Variants in NPNT observed in about 807,000 individuals in gnomAD.
The protein encoded by NPNT is nephronectin.
In NPNT, 45 loss-of-function variants were observed where a neutral mutation model predicts 68.6. The observed-to-expected ratio is 0.66, with a 90% CI of 0.52 to 0.84. NPNT has a LOEUF of 0.84. NPNT is among the 40% of genes least tolerant of loss of function. The probability of loss-of-function intolerance (pLI) is 0.00; values close to 1 mark genes in which losing one functional copy is unlikely to be tolerated. For missense variants in NPNT, 672 were observed against 714.8 expected, an observed-to-expected ratio of 0.94 and a Z score of 0.68; for synonymous variants, 233 against 253.3, an observed-to-expected ratio of 0.92 and a Z score of 0.76.
chr4:105,916,852 A>G (rs1331179439), intron 2 of NPNT, among the ~76,000 whole-genome samples: 1 of 152,232 alleles, frequency 6.6e-6, no homozygotes, highest in East Asian at 1.9e-4. Context: ...TTGAAGGTGT[A>G]AGAGCTAGTC....
intron 10 of NPNT, among the ~76,000 whole-genome samples, chr4:105,966,662 G>A (rs905519392): frequency 6.0e-5 from 9 of 150,886 alleles, no homozygotes; most frequent in African/African-American, 1.5e-4. Context: ...GAACCTTTAC[G>A]TTTAGAGATT....
At chr4:105,932,847 A>G (rs2149362155) in intron 3 of NPNT, 2 of 570,114 alleles carry the variant, frequency 3.5e-6, no homozygotes, top group East Asian at 3.0e-5. Flanking sequence ...AGGAATTGCC[A>G]CCTGGTGCTG....
chr4:105,948,591 A>C (rs1464240096), intron 8 of NPNT, among the ~76,000 whole-genome samples: 2 of 152,148 alleles, frequency 1.3e-5, no homozygotes, highest in African/African-American at 4.8e-5. Flanking sequence ...GATGGGGAGA[A>C]CTTATGTGAT....
In NPNT at chr4:105,958,627, A is replaced by AT. The variant is rs1578681952; in HGVS notation, c.1246+71dup. The AT allele has an allele frequency of 8.9e-6, 8 of 896,604 alleles. No homozygotes were observed. The East Asian group carries it at 2.2e-4, about 25-fold the overall frequency. 55.5% of individuals were successfully genotyped at this position (896,604 alleles called of 1,614,324 possible). ...TTCTCTCCATGAAAATAACTTTTAA[A>AT]TGTAGATCGTTTGGACCATTTGGGA... On this transcript the variant is annotated intron_variant, in intron 9 of 11. Transcript: ENST00000379987.
At chr4:105,902,504 G>C (rs1726503840) in intron 2 of NPNT, among the ~76,000 whole-genome samples, 1 of 152,166 alleles carries the variant, frequency 6.6e-6, no homozygotes, top group South Asian at 2.1e-4. Flanking sequence ...ATTGTCCTTA[G>C]TGTAGTAGCT....
At chr4:105,960,448 C>T (rs181469303) in intron 10 of NPNT, among the ~76,000 whole-genome samples, 24 of 152,180 alleles carry the variant, frequency 1.6e-4, no homozygotes, top group Admixed American at 4.6e-4. Flanking sequence ...TGGTCCTCAA[C>T]GCACATTTTG....
intron 7 of NPNT, 108 bp from the exon 8 acceptor site, chr4:105,942,199 T>G: frequency 1.2e-6 from 1 of 801,162 alleles, no homozygotes; most frequent in Non-Finnish European, 2.0e-6. Flanking sequence ...ATTCTAAATG[T>G]GAAAAATGAT....
chr4:105,931,668 CA>C (rs59960189), intron 3 of NPNT, among the ~76,000 whole-genome samples: 73,939 of 100,120 alleles, frequency 0.74, 26,723 homozygotes, highest in East Asian at 0.88. Context: ...ACTAAAAATA[CA>C]AAAAAAAAAA....
chr4:105,926,173 C>T (rs1164447916), intron 2 of NPNT, among the ~76,000 whole-genome samples: 1 of 152,136 alleles, frequency 6.6e-6, no homozygotes, highest in African/African-American at 2.4e-5. Context: ...AGGCTTTCTG[C>T]ACGTATGTAT....
chr4:105,927,537 G>A, intron 3 of NPNT, 109 bp downstream of exon 3: 2 of 530,950 alleles, frequency 3.8e-6, no homozygotes, highest in Non-Finnish European at 6.7e-6. Flanking sequence ...TCCAAAATAT[G>A]TGAGCTGCCA....
In NPNT at chr4:105,970,333, T is replaced by A; in HGVS notation, c.*1343T>A. On this transcript the variant is annotated 3_prime_UTR_variant, in exon 12 of 12. Coordinates refer to ENST00000379987, the MANE Select transcript of NPNT (RefSeq NM_001033047.3). The stretch of plus-strand genomic sequence containing the variant: ...TTTTAAAAGGCATCATTCCTGAGGT[T>A]TGTCTTAATTTCTGATTAAGTAATC... The A allele has an allele frequency of 8.9e-6, 6 of 673,456 alleles. No individual in the cohort carries two copies. The highest frequency in any genetic ancestry group is 1.6e-5 in the Non-Finnish European group (6 of 373,446). 41.7% of individuals were successfully genotyped at this position (673,456 alleles called of 1,614,324 possible). A position where few individuals can be genotyped will look rare whatever the true frequency, so the allele number is the denominator to read the frequency against.
chr4:105,942,617 A>T lies in NPNT; in HGVS notation c.1074A>T (p.Ala358=). The T allele has an allele frequency of 6.2e-7, 1 of 1,613,988 alleles. No homozygotes were observed. The highest frequency in any genetic ancestry group is 1.1e-5 in the South Asian group (1 of 91,072). ...ERPTTGLTTI[A]PAASTPPGGI... ...CAACCACCGGACTGACAACTATAGC[A>T]CCAGCTGCCAGTACACCTCCAGGAG... Residue 358 remains alanine, a synonymous_variant, in exon 8 of 12, where the codon GCA becomes GCT. Coordinates refer to ENST00000379987, the MANE Select transcript of NPNT (RefSeq NM_001033047.3).
chr4:105,913,762 T>G (rs1727568547), intron 2 of NPNT, among the ~76,000 whole-genome samples: 1 of 152,184 alleles, frequency 6.6e-6, no homozygotes, highest in African/African-American at 2.4e-5. Context: ...ATTTCTAAAA[T>G]CAAAACTTTC....
rs1391350215 is a variant in NPNT, at chr4:105,938,629, C to G, written c.505+209C>G. On this transcript the variant is annotated intron_variant, in intron 5 of 11. Coordinates refer to ENST00000379987, the MANE Select transcript of NPNT (RefSeq NM_001033047.3). ...TTAAAAAATGAGAAATAGGAGGAGG[C>G]CTCAGGCAGAGGGAACCCTATGTGC... Among the ~76,000 whole-genome samples the G allele has an allele frequency of 2.0e-5, 3 of 152,250 alleles. No individual in the cohort carries two copies. The East Asian group carries it at 5.8e-4, about 29-fold the overall frequency.
chr4:105,903,574 T>G (rs1726603492), intron 2 of NPNT, among the ~76,000 whole-genome samples: 1 of 152,212 alleles, frequency 6.6e-6, no homozygotes, highest in African/African-American at 2.4e-5. Flanking sequence ...ATTCATTTCC[T>G]TAAATATCCC....
At chr4:105,918,042 A>C (rs1727958529) in intron 2 of NPNT, among the ~76,000 whole-genome samples, 1 of 152,224 alleles carries the variant, frequency 6.6e-6, no homozygotes, top group African/African-American at 2.4e-5. Context: ...TGTTGGACAC[A>C]GAAAGACTGT....
At chr4:105,934,517 T>C (rs1346132734) in intron 3 of NPNT, among the ~76,000 whole-genome samples, 2 of 152,208 alleles carry the variant, frequency 1.3e-5, no homozygotes, top group African/African-American at 4.8e-5. Flanking sequence ...TGTGAAGTTT[T>C]TAGGAGACAC....
chr4:105,919,391 C>T (rs1728064477), intron 2 of NPNT, among the ~76,000 whole-genome samples: 3 of 152,088 alleles, frequency 2.0e-5, no homozygotes, highest in African/African-American at 7.2e-5. Context: ...ACCACAGTAT[C>T]ATTTCACACT....
At chr4:105,968,517 G>C (rs925549981) in intron 11 of NPNT, among the ~76,000 whole-genome samples, 1 of 152,190 alleles carries the variant, frequency 6.6e-6, no homozygotes, top group African/African-American at 2.4e-5. Flanking sequence ...TTTAAGATAG[G>C]CTGTGTGATT....
Sources: gnomAD v4.1 joint callset for allele counts (sites outside exome capture counted in the v4.1 genomes callset) on GRCh38, gnomAD v4.1.1 for gene constraint, MANE v1.5 for transcripts, NCBI Gene and HGNC (gene_info 2026-07-23, HGNC 2026-07-21) for gene names.